PLIN4: variants seen among roughly 807,000 people sequenced by gnomAD.
PLIN4 encodes perilipin-4.
A neutral mutation model predicts 52.4 loss-of-function variants in PLIN4; 57 were observed. The ratio of observed to expected loss-of-function variants is 1.09; its 90% CI spans 0.88 to 1.36. The LOEUF is 1.36. Ranked by LOEUF, PLIN4 falls within the 40% of genes most tolerant of loss-of-function variation. The probability of loss-of-function intolerance (pLI) is 0.00; values close to 1 mark genes in which losing one functional copy is unlikely to be tolerated. For missense variants in PLIN4, 1,757 were observed against 1,770.3 expected (o/e 0.99, Z 0.13); for synonymous variants, 826 against 785.4 (o/e 1.05, Z -0.86).
At position 4,510,006 on chromosome 19, in the gene PLIN4, G is replaced by A. The variant is rs193130505; in HGVS notation, c.3514+440C>T. 1.8e-3 allele frequency among the ~76,000 whole-genome samples: 277 copies of A among 152,004 alleles called. 2 individuals are homozygous for A. The highest frequency in any genetic ancestry group is 6.4e-3 in the African/African-American group (266 of 41,446). On this transcript the variant is annotated intron_variant, in intron 5 of 7. Transcript: ENST00000301286. ...GGATCGTTTGAGCCCACAAGCTTGA[G>A]ACCAGCCTGGGCAACACAGGGAGAC...
rs889255332 is a variant in PLIN4 at position 4,518,471 on chromosome 19, G to A, written c.-104C>T. The A allele has an allele frequency of 5.4e-5, 66 of 1,217,002 alleles. No individual in the cohort carries two copies. Among genetic ancestry groups the A allele is most frequent in the East Asian group, 1.9e-4 (6 of 30,788 alleles). 75.4% of individuals were successfully genotyped at this position (1,217,002 alleles called of 1,614,324 possible). On this transcript the variant is annotated 5_prime_UTR_variant, in exon 1 of 8. Transcript: ENST00000301286. ...CGCGGGGTCCCCTGGAGGACGGACC[G>A]GCCCGGCTGGCAGCTGGCTCTACCC...
chr19:4,518,305 G>A lies in PLIN4; in HGVS notation c.-17-16C>T, dbSNP rs1976644646. On this transcript the variant is annotated splice_polypyrimidine_tract_variant and intron_variant, in intron 1 of 7. Transcript: ENST00000301286. Reference sequence around the variant, plus strand: ...ACGTGAGAAGCTGGAAGGGGGCAGAGAAGGTGCGTGAATGGGGGTTCCCTA... The same window carrying A: ...ACGTGAGAAGCTGGAAGGGGGCAGAAAAGGTGCGTGAATGGGGGTTCCCTA... 3.2e-6 allele frequency: 4 copies of A among 1,232,830 alleles called. No individual in the cohort carries two copies. The highest frequency in any genetic ancestry group is 4.0e-6 in the Non-Finnish European group (4 of 988,572). The allele number at this position is 1,232,830 out of a possible 1,614,324, so 76.4% of individuals were successfully genotyped here. A position where few individuals can be genotyped will look rare whatever the true frequency, so the allele number is the denominator to read the frequency against.
At position 4,518,296 on chromosome 19, in the gene PLIN4, G is replaced by A. The variant is rs1976644306; in HGVS notation, c.-17-7C>T. ...ATAGTGAGAACGTGAGAAGCTGGAAGGGGGCAGAGAAGGTGCGTGAATGGG... is the reference window on the plus strand; with the variant it reads ...ATAGTGAGAACGTGAGAAGCTGGAAAGGGGCAGAGAAGGTGCGTGAATGGG... On this transcript the variant is annotated splice_polypyrimidine_tract_variant and splice_region_variant and intron_variant, in intron 1 of 7. Transcript: ENST00000301286. The A allele has an allele frequency of 8.1e-7, 1 of 1,232,666 alleles. No individual in the cohort carries two copies. The highest frequency in any genetic ancestry group is 1.0e-6 in the Non-Finnish European group (1 of 988,426). The allele number at this position is 1,232,666 out of a possible 1,614,324, so 76.4% of individuals were successfully genotyped here.
chr19:4,512,236 G>GC lies in PLIN4; in HGVS notation c.1723dup (p.Ala575GlyfsTer189). 4 of 1,612,914 alleles carry GC rather than the reference G, an allele frequency of 2.5e-6. No individual in the cohort carries two copies. Among genetic ancestry groups the GC allele is most frequent in the Non-Finnish European group, 3.4e-6 (4 of 1,179,790 alleles). ...GACAGCCCCCTTGGCCACATTCGCT[G>GC]CCCCCGTGAGCCCAGTGGACATCGT... On this transcript the variant is annotated frameshift_variant, in exon 5 of 8. Coordinates refer to ENST00000301286, the MANE Select transcript of PLIN4 (RefSeq NM_001367868.2). LOFTEE classifies it high-confidence loss of function.
In PLIN4 at chr19:4,512,224, G is replaced by A. The variant is rs765505520; in HGVS notation, c.1736C>T (p.Ala579Val). The A allele has an allele frequency of 2.2e-5, 35 of 1,612,936 alleles. No homozygotes were observed. Among genetic ancestry groups the A allele is most frequent in the Middle Eastern group, 1.6e-4 (1 of 6,080 alleles). Residue 579 changes from alanine to valine, a missense_variant, in exon 5 of 8, where the codon GCC (alanine) becomes GTC (valine). This residue lies in a region of PLIN4 where 439 missense variants were observed against 406.4 expected (regional missense o/e 1.08). Transcript: ENST00000301286. ...STGLTGAANV[A>V]KGAVQTGVDT... ...TACACCTGTCTGGACAGCCCCCTTG[G>A]CCACATTCGCTGCCCCCGTGAGCCC... is the stretch of plus-strand genomic sequence containing the variant.
chr19:4,505,237 C>G (rs974868301), intron 6 of PLIN4, among the ~76,000 whole-genome samples: 6 of 152,200 alleles, frequency 3.9e-5, no homozygotes, highest in Non-Finnish European at 8.8e-5. Flanking sequence ...AAACCCAGCT[C>G]CTCACCATGG....
At chr19:4,513,780 C>T (rs1474278854) in intron 4 of PLIN4, 79 bp from the exon 5 acceptor site, 1 of 1,469,676 alleles carries the variant, frequency 6.8e-7, no homozygotes, top group Non-Finnish European at 9.0e-7. Context: ...GCCCAGCCCC[C>T]TAGTGTGCTT....
In PLIN4 at chr19:4,512,921, C is replaced by A. The variant is rs200149931; in HGVS notation, c.1039G>T (p.Val347Leu). 9 of 1,525,390 alleles carry A rather than the reference C, an allele frequency of 5.9e-6. 2 individuals are homozygous for A. In the African/African-American group the frequency reaches 1.1e-4, roughly 18 times the overall value. 94.5% of individuals were successfully genotyped at this position (1,525,390 alleles called of 1,614,324 possible). Residue 347 changes from valine to leucine, a missense_variant, in exon 5 of 8, where the codon GTG (valine) becomes TTG (leucine). Val to Leu is a conservative substitution (Grantham distance 32). Transcript: ENST00000301286. Reference protein sequence around the residue: ...VCSGVTGAMNVAKGTIQTGVD... With the variant: ...VCSGVTGAMNLAKGTIQTGVD... ...CCGGTCTGGATGGTTCCTTTGGCCA[C>A]ATTCATGGCACCAGTCACCCCACTA... is the stretch of plus-strand genomic sequence containing the variant.
chr19:4,510,728 C>T lies in PLIN4; in HGVS notation c.3232G>A (p.Glu1078Lys). Residue 1078 changes from glutamate to lysine, a missense_variant, in exon 5 of 8, where the codon GAG becomes AAG. This residue lies in a region of PLIN4 where 712 missense variants were observed against 637.1 expected (regional missense o/e 1.12). Transcript: ENST00000301286. Reference sequence around the variant, plus strand: ...TCTTGGGGGCTCAGGGCAGTCTGCTCCCCACCATTGTCTGTGGTCCTGGAA... The same window carrying T: ...TCTTGGGGGCTCAGGGCAGTCTGCTTCCCACCATTGTCTGTGGTCCTGGAA... Reference protein sequence around the residue: ...TSSRTTDNGGEQTALSPQEAP... With the variant: ...TSSRTTDNGGKQTALSPQEAP... The T allele has an allele frequency of 6.5e-7, 1 of 1,544,626 alleles. No homozygotes were observed. The highest frequency in any genetic ancestry group is 8.7e-7 in the Non-Finnish European group (1 of 1,146,416).
In PLIN4 at chr19:4,508,974, C is replaced by T. The variant is rs532358300; in HGVS notation, c.3515-19G>A. On this transcript the variant is annotated intron_variant, in intron 5 of 7. Transcript: ENST00000301286. ...AGCTGAGCTGGAAAGGAAGGCGCAC[C>T]GCTCAGTCCCGGAAGCCCCTCAGGG... 251 of 1,599,768 alleles carry T rather than the reference C, an allele frequency of 1.6e-4. 1 individual carries two copies. Among genetic ancestry groups the T allele is most frequent in the South Asian group, 9.1e-4 (81 of 89,104 alleles).
At chr19:4,509,325 A>AAAAAAAAAAAAAAAAAAAAAAAAAAAAC (rs1976211715) in intron 5 of PLIN4, among the ~76,000 whole-genome samples, 1 of 143,858 alleles carries the variant, frequency 7.0e-6, no homozygotes, top group Non-Finnish European at 1.5e-5. Flanking sequence ...AAAAAAAAAA[A>AAAAAAAAAAAAAAAAAAAAAAAAAAAAC]GTTAAGTGAG....
intron 3 of PLIN4, among the ~76,000 whole-genome samples, chr19:4,517,340 A>T (rs1976611689): frequency 6.6e-6 from 1 of 152,058 alleles, no homozygotes; most frequent in Non-Finnish European, 1.5e-5. Context: ...CATTGCAGGG[A>T]GACAGGCTGG....
Position 4,510,432 on chromosome 19 carries a change from A to C in PLIN4, c.3514+14T>G, listed in dbSNP as rs749124900. On this transcript the variant is annotated intron_variant, in intron 5 of 7. Transcript: ENST00000301286. ...GCCTGCCTCAGGGACCCATGAACCC[A>C]GGCGTCCCCTCACCTTGCTCCTCCG... 5.0e-6 allele frequency: 7 copies of C among 1,396,344 alleles called. No individual in the cohort carries two copies. The highest frequency in any genetic ancestry group is 5.6e-6 in the Non-Finnish European group (6 of 1,071,046). The allele number at this position is 1,396,344 out of a possible 1,614,324, so 86.5% of individuals were successfully genotyped here.
chr19:4,505,676 A>C (rs538279794), intron 6 of PLIN4, among the ~76,000 whole-genome samples: 2 of 151,998 alleles, frequency 1.3e-5, no homozygotes, highest in African/African-American at 2.4e-5. Context: ...CATCTTCCTC[A>C]TCATCTCAAT....
In PLIN4 at chr19:4,504,964, G is replaced by T; in HGVS notation, c.3703-17C>A. On this transcript the variant is annotated splice_polypyrimidine_tract_variant and intron_variant, in intron 6 of 7. Transcript: ENST00000301286. Reference sequence around the variant, plus strand: ...CTTTTCAATCTGGAGAGAGAGTACAGTGGGGAAATGATGGCTTCTTGGCAA... The same window carrying T: ...CTTTTCAATCTGGAGAGAGAGTACATTGGGGAAATGATGGCTTCTTGGCAA... 6.3e-7 allele frequency: 1 copy of T among 1,587,658 alleles called. No homozygotes were observed. Among genetic ancestry groups the T allele is most frequent in the South Asian group, 1.1e-5 (1 of 87,502 alleles).
At position 4,510,707 on chromosome 19, in the gene PLIN4, G is replaced by A; in HGVS notation, c.3253C>T (p.Gln1085Ter). Residue 1085 changes from glutamine (Q) to a stop codon, truncating the protein, a stop_gained, in exon 5 of 8, where the codon CAA becomes TAA. Coordinates refer to ENST00000301286, the MANE Select transcript of PLIN4 (RefSeq NM_001367868.2). LOFTEE classifies it high-confidence loss of function. Reference sequence around the variant, plus strand: ...GAGATGCCAGAGAACGGGGCCTCTTGGGGGCTCAGGGCAGTCTGCTCCCCA... The same window carrying A: ...GAGATGCCAGAGAACGGGGCCTCTTAGGGGCTCAGGGCAGTCTGCTCCCCA... Reference protein sequence around the residue: ...NGGEQTALSPQEAPFSGISTP... With the variant: ...NGGEQTALSP The A allele has an allele frequency of 1.3e-6, 2 of 1,527,868 alleles. No individual in the cohort carries two copies. The highest frequency in any genetic ancestry group is 1.8e-6 in the Non-Finnish European group (2 of 1,140,468). The allele number at this position is 1,527,868 out of a possible 1,614,324, so 94.6% of individuals were successfully genotyped here. A position where few individuals can be genotyped will look rare whatever the true frequency, so the allele number is the denominator to read the frequency against.
In PLIN4 at chr19:4,511,936, A is replaced by T; in HGVS notation, c.2024T>A (p.Val675Glu). 23 of 1,383,008 alleles carry T rather than the reference A, an allele frequency of 1.7e-5. No homozygotes were observed. Among genetic ancestry groups the T allele is most frequent in the African/African-American group, 4.3e-5 (2 of 46,594 alleles). 85.7% of individuals were successfully genotyped at this position (1,383,008 alleles called of 1,614,324 possible). ...CTGGGCAGCCCCTTTGGCCACATTC[A>T]CAGCACTGGTCACCCCACTGCCAAA... ...NTFGSGVTSAVNVAKGAAQTG... is the reference protein window; with the variant it reads ...NTFGSGVTSAENVAKGAAQTG... Residue 675 changes from valine to glutamate, a missense_variant, in exon 5 of 8, where the codon GTG (valine) becomes GAG (glutamate). Around this residue, in one of 7 missense-constraint regions of PLIN4, gnomAD observed 439 missense variants for 406.4 expected, o/e 1.08. Coordinates refer to ENST00000301286, the MANE Select transcript of PLIN4 (RefSeq NM_001367868.2).
At position 4,504,730 on chromosome 19, in the gene PLIN4, G is replaced by A. The variant is rs368778123; in HGVS notation, c.3845C>T (p.Thr1282Met). The A allele has an allele frequency of 9.9e-5, 159 of 1,599,622 alleles. No individual in the cohort carries two copies. Among genetic ancestry groups the A allele is most frequent in the Middle Eastern group, 1.7e-4 (1 of 6,036 alleles). Residue 1282 changes from threonine to methionine, a missense_variant, in exon 8 of 8, where the codon ACG becomes ATG. Transcript: ENST00000301286. Reference protein sequence around the residue: ...RVCGLLRQLHTAYSGLVSSLQ... With the variant: ...RVCGLLRQLHMAYSGLVSSLQ... ...GCTGGAGACCAGGCCACTGTAGGCCGTGTGCAGCTGCCGGAGAAGGCCGCA... is the reference window on the plus strand; with the variant it reads ...GCTGGAGACCAGGCCACTGTAGGCCATGTGCAGCTGCCGGAGAAGGCCGCA...
chr19:4,518,297 G>C lies in PLIN4; in HGVS notation c.-17-8C>G, dbSNP rs1451796922. 2.9e-5 allele frequency: 36 copies of C among 1,232,460 alleles called. No individual in the cohort carries two copies. The highest frequency in any genetic ancestry group is 3.3e-5 in the Non-Finnish European group (33 of 988,388). The allele number at this position is 1,232,460 out of a possible 1,614,324, so 76.3% of individuals were successfully genotyped here. A position where few individuals can be genotyped will look rare whatever the true frequency, so the allele number is the denominator to read the frequency against. ...TAGTGAGAACGTGAGAAGCTGGAAGGGGGCAGAGAAGGTGCGTGAATGGGG... is the reference window on the plus strand; with the variant it reads ...TAGTGAGAACGTGAGAAGCTGGAAGCGGGCAGAGAAGGTGCGTGAATGGGG... On this transcript the variant is annotated splice_polypyrimidine_tract_variant and splice_region_variant and intron_variant, in intron 1 of 7. Transcript: ENST00000301286.
Sources: allele counts gnomAD v4.1 joint callset (sites outside exome capture counted in the v4.1 genomes callset), GRCh38; gene constraint gnomAD v4.1.1; regional missense constraint gnomAD v4.1.1; transcripts MANE v1.5; gene names NCBI Gene and HGNC (gene_info 2026-07-23, HGNC 2026-07-21).